The following KLHL1 variants were observed in gnomAD, a reference collection of about 807,000 sequenced individuals.
KLHL1 encodes the protein kelch like family member 1.
KLHL1 carries 47 observed loss-of-function variants against 77.7 expected under a neutral mutation model. The ratio of observed to expected loss-of-function variants is 0.60; its 90% CI spans 0.48 to 0.77. The LOEUF is 0.77. Ranked by LOEUF, KLHL1 falls within the 30% of genes least tolerant of loss-of-function variation. The probability of loss-of-function intolerance (pLI) is 0.00; values close to 1 mark genes in which losing one functional copy is unlikely to be tolerated. For synonymous variants in KLHL1, 360 were observed against 325.2 expected (o/e 1.11, Z -1.15); for missense variants, 925 against 910.8 (o/e 1.02, Z -0.20).
At chr13:69,719,622 C>A in intron 8 of KLHL1, 41 bp from the exon 9 acceptor site, 2 of 1,498,152 alleles carry the variant, frequency 1.3e-6, no homozygotes, top group South Asian at 1.2e-5. Context: ...ATATCATAGT[C>A]TGGATGACAA....
At chr13:69,880,820 A>T (rs1880959854) in intron 5 of KLHL1, among the ~76,000 whole-genome samples, 1 of 152,160 alleles carries the variant, frequency 6.6e-6, no homozygotes, top group Non-Finnish European at 1.5e-5. Context: ...ACATAATTCC[A>T]AACTCCCCAC....
At chr13:69,800,205 G>A (rs1398995889) in intron 6 of KLHL1, among the ~76,000 whole-genome samples, 3 of 152,120 alleles carry the variant, frequency 2.0e-5, no homozygotes, top group African/African-American at 2.4e-5. Flanking sequence ...ATTACAATGG[G>A]CTCATACCAG....
chr13:69,768,173 T>C (rs2137977110), intron 7 of KLHL1, among the ~76,000 whole-genome samples: 1 of 152,294 alleles, frequency 6.6e-6, no homozygotes, highest in South Asian at 2.1e-4. Context: ...TCAAGCTTTC[T>C]TTAGCTTACC....
intron 4 of KLHL1, among the ~76,000 whole-genome samples, chr13:69,904,592 C>T (rs1881986756): frequency 6.6e-6 from 1 of 152,142 alleles, no homozygotes; most frequent in African/African-American, 2.4e-5. Flanking sequence ...TTTATACATG[C>T]TATTCTCACA....
intron 1 of KLHL1, among the ~76,000 whole-genome samples, chr13:69,978,711 TC>T (rs2137296080): frequency 6.6e-6 from 1 of 152,174 alleles, no homozygotes; most frequent in South Asian, 2.1e-4. Flanking sequence ...GGTCTTGAAC[TC>T]CCGAACTCAG....
chr13:69,856,266 C>T (rs184711874), intron 5 of KLHL1, among the ~76,000 whole-genome samples: 414 of 152,072 alleles, frequency 2.7e-3, no homozygotes, highest in Middle Eastern at 0.01. Context: ...CTAAAATATT[C>T]AGGTTCTCTA....
chr13:69,793,168 A>G (rs557545703), intron 7 of KLHL1, among the ~76,000 whole-genome samples: 36 of 152,198 alleles, frequency 2.4e-4, no homozygotes, highest in African/African-American at 7.5e-4. Context: ...CTCCTAAAAC[A>G]CTTAACTGAA....
chr13:70,105,344 T>C (rs974762763), intron 1 of KLHL1, among the ~76,000 whole-genome samples: 1 of 151,836 alleles, frequency 6.6e-6, no homozygotes, highest in African/African-American at 2.4e-5. Flanking sequence ...ACTCCATTAA[T>C]GTTTTCAAAA....
At chr13:69,860,867 A>G (rs1218479484) in intron 5 of KLHL1, among the ~76,000 whole-genome samples, 1 of 151,952 alleles carries the variant, frequency 6.6e-6, no homozygotes, top group Non-Finnish European at 1.5e-5. Flanking sequence ...AAAAAAACAT[A>G]CTAATAGAAT....
At chr13:69,997,661 ATATAT>A (rs1885189706) in intron 1 of KLHL1, among the ~76,000 whole-genome samples, 1 of 116,704 alleles carries the variant, frequency 8.6e-6, no homozygotes, top group African/African-American at 3.4e-5. Context: ...TGACTAAATA[ATATAT>A]TATATATAAT....
chr13:69,735,613 A>G (rs1054439346), intron 8 of KLHL1, among the ~76,000 whole-genome samples: 1 of 150,508 alleles, frequency 6.6e-6, no homozygotes, highest in Non-Finnish European at 1.5e-5. Flanking sequence ...ATAAACATGA[A>G]TAACCTCAGA....
chr13:69,854,381 A>G (rs934050190), intron 5 of KLHL1, among the ~76,000 whole-genome samples: 9 of 151,962 alleles, frequency 5.9e-5, no homozygotes, highest in African/African-American at 2.2e-4. Context: ...TGTTTTTAAC[A>G]TCCAGCTCTC....
chr13:69,914,033 G>C (rs573685704), intron 4 of KLHL1, among the ~76,000 whole-genome samples: 1 of 152,204 alleles, frequency 6.6e-6, no homozygotes, highest in African/African-American at 2.4e-5. Context: ...TAGTCTTCTG[G>C]CCTACATTCT....
intron 7 of KLHL1, among the ~76,000 whole-genome samples, chr13:69,784,103 G>A (rs1033422799): frequency 6.6e-6 from 1 of 151,914 alleles, no homozygotes; most frequent in African/African-American, 2.4e-5. Flanking sequence ...AAGTGAAGGA[G>A]AAATAAAATA....
chr13:69,887,113 G>T (rs1385955593), intron 4 of KLHL1, among the ~76,000 whole-genome samples: 1 of 152,120 alleles, frequency 6.6e-6, no homozygotes, highest in Non-Finnish European at 1.5e-5. Flanking sequence ...TTGGGTCTAA[G>T]ATTTTAAAAT....
intron 3 of KLHL1, among the ~76,000 whole-genome samples, chr13:69,949,787 A>G (rs1883647400): frequency 6.6e-6 from 1 of 151,846 alleles, no homozygotes; most frequent in South Asian, 2.1e-4. Context: ...GGAGAGTTAA[A>G]GGGATTTTAG....
intron 4 of KLHL1, chr13:69,894,129 C>A (rs9572305): frequency 0.89 from 135,406 of 152,356 alleles, 61,421 homozygotes; most frequent in South Asian, 0.98. Context: ...ACATTTATTT[C>A]GATTTTTTTG....
chr13:69,785,065 T>G (rs1409988101), intron 7 of KLHL1, among the ~76,000 whole-genome samples: 1 of 151,338 alleles, frequency 6.6e-6, no homozygotes, highest in East Asian at 2.0e-4. Flanking sequence ...AATTTTTTTT[T>G]GTATTTTTAG....
chr13:70,037,598 T>C (rs1346802576), intron 1 of KLHL1, among the ~76,000 whole-genome samples: 1 of 152,082 alleles, frequency 6.6e-6, no homozygotes, highest in African/African-American at 2.4e-5. Context: ...TGTCTCTTCT[T>C]TAGTTTCTTT....
Sources: gnomAD v4.1 joint callset for allele counts (sites outside exome capture counted in the v4.1 genomes callset) on GRCh38, gnomAD v4.1.1 for gene constraint, MANE v1.5 for transcripts, NCBI Gene and HGNC (gene_info 2026-07-23, HGNC 2026-07-21) for gene names.